The following KIF14 variants were observed in gnomAD, a reference collection of about 807,000 sequenced individuals.
KIF14 encodes kinesin family member 14.
Under a neutral mutation model 176.2 loss-of-function variants are expected in KIF14, and 98 were observed. That is an observed-to-expected ratio of 0.56 (90% CI 0.47 to 0.66). The LOEUF (loss-of-function observed/expected upper bound fraction) is 0.66, where lower values mean the gene tolerates loss of function less well. Ranked by LOEUF, KIF14 falls within the 30% of genes least tolerant of loss-of-function variation. The probability of loss-of-function intolerance (pLI) is 0.00; values close to 1 mark genes in which losing one functional copy is unlikely to be tolerated. For missense variants in KIF14, 1,751 were observed against 1,920.4 expected (o/e 0.91, Z 1.65); for synonymous variants, 566 against 632.2 (o/e 0.90, Z 1.57).
In KIF14 at chr1:200,553,747, G is replaced by A. The variant is rs1656684753; in HGVS notation, c.4588C>T (p.Leu1530Phe). The A allele has an allele frequency of 1.9e-6, 3 of 1,602,296 alleles. No homozygotes were observed. Among genetic ancestry groups the A allele is most frequent in the Admixed American group, 1.7e-5 (1 of 59,274 alleles). The change falls in exon 30 of 30, where the codon CTT (leucine) becomes TTT (phenylalanine). Residue 1530 changes from leucine (L) to phenylalanine (F), a missense_variant. Coordinates refer to ENST00000367350, the MANE Select transcript of KIF14 (RefSeq NM_014875.3). ...ALKGCHSDIN[L>F]LQTCVESIRN... The stretch of plus-strand genomic sequence containing the variant: ...ATACTTTCAACACAAGTCTGGAGAA[G>A]ATTTATATCACTATGGCATCCTATA...
intron 3 of KIF14, 72 bp from the exon 4 acceptor site, chr1:200,614,477 G>A: frequency 2.2e-6 from 2 of 911,768 alleles, no homozygotes; most frequent in Admixed American, 4.3e-5. Flanking sequence ...GGGGAAATAG[G>A]CTGGGAAGGG....
intron 14 of KIF14, among the ~76,000 whole-genome samples, chr1:200,596,097 TACA>T (rs1282438521): frequency 6.6e-6 from 1 of 151,704 alleles, no homozygotes; most frequent in African/African-American, 2.4e-5. Flanking sequence ...CTACTAAAAA[TACA>T]ACAATTAGCC....
intron 25 of KIF14, among the ~76,000 whole-genome samples, chr1:200,563,929 A>C (rs1657296910): frequency 6.6e-6 from 1 of 152,108 alleles, no homozygotes; most frequent in African/African-American, 2.4e-5. Context: ...ATATAAATAG[A>C]TGTGGCATAT....
chr1:200,595,867 G>A (rs146032507), intron 14 of KIF14, among the ~76,000 whole-genome samples: 5 of 150,420 alleles, frequency 3.3e-5, no homozygotes, highest in African/African-American at 1.2e-4. Flanking sequence ...AGAAGGTGGA[G>A]GTTACGGTGA....
chr1:200,566,600 A>G (rs1295557033), intron 23 of KIF14, among the ~76,000 whole-genome samples: 1 of 150,778 alleles, frequency 6.6e-6, no homozygotes, highest in African/African-American at 2.4e-5. Context: ...CTCAAAAAAA[A>G]AAAAGAGAGA....
In KIF14 at chr1:200,618,391, A is replaced by G; in HGVS notation, c.333T>C (p.Thr111=). The G allele has an allele frequency of 6.2e-7, 1 of 1,614,070 alleles. No homozygotes were observed. The highest frequency in any genetic ancestry group is 1.3e-5 in the African/African-American group (1 of 75,028). ...TAAGACGTGTTTCTGCTGTTTTTTC[A>G]GTTGTGTCTTCCAACTCACTAACAA... ...SLLVSELEDT[T]EKTAETRLTL... Residue 111 remains threonine, a synonymous_variant, in exon 2 of 30, where the codon ACT becomes ACC. Transcript: ENST00000367350.
In KIF14 at chr1:200,615,703, CA is replaced by C. The variant is rs1264544612; in HGVS notation, c.1113-95del. On this transcript the variant is annotated intron_variant, in intron 2 of 29. Coordinates refer to ENST00000367350, the MANE Select transcript of KIF14 (RefSeq NM_014875.3). ...AATAAATACCTCAAAACTATTTAAA[CA>C]ATCTTCCAAGGCAAGATAATTCTGT... 5 of 1,071,720 alleles carry C rather than the reference CA, an allele frequency of 4.7e-6. No individual in the cohort carries two copies. The East Asian group carries it at 1.2e-4, about 26-fold the overall frequency. The allele number at this position is 1,071,720 out of a possible 1,614,324, so 66.4% of individuals were successfully genotyped here.
chr1:200,618,552 C>T lies in KIF14; in HGVS notation c.172G>A (p.Gly58Ser). The T allele has an allele frequency of 6.2e-7, 1 of 1,614,134 alleles. No individual in the cohort carries two copies. The highest frequency in any genetic ancestry group is 8.5e-7 in the Non-Finnish European group (1 of 1,180,020). Residue 58 changes from glycine (G) to serine (S), a missense_variant, in exon 2 of 30, where the codon GGT (glycine) becomes AGT (serine). Coordinates refer to ENST00000367350, the MANE Select transcript of KIF14 (RefSeq NM_014875.3). ...ENDDPLLRSAGKVRDINRTYV... is the reference protein window; with the variant it reads ...ENDDPLLRSASKVRDINRTYV... ...GTTCTATTTATGTCTCTGACTTTAC[C>T]TGCAGATCTCAATAATGGATCATCA...
chr1:200,554,240 A>G (rs1656708625), intron 29 of KIF14, among the ~76,000 whole-genome samples: 2 of 152,018 alleles, frequency 1.3e-5, no homozygotes, highest in African/African-American at 4.8e-5. Flanking sequence ...AAAATACAAA[A>G]ATTATCCAGG....
In KIF14 at chr1:200,580,315, G is replaced by A. The variant is rs750171981; in HGVS notation, c.3404C>T (p.Ser1135Leu). 3 of 1,528,800 alleles carry A rather than the reference G, an allele frequency of 2.0e-6. No individual in the cohort carries two copies. The highest frequency in any genetic ancestry group is 2.7e-6 in the Non-Finnish European group (3 of 1,131,628). The allele number at this position is 1,528,800 out of a possible 1,614,324, so 94.7% of individuals were successfully genotyped here. The change falls in exon 21 of 30, where the codon TCA (serine) becomes TTA (leucine). Residue 1135 changes from serine (S) to leucine (L), a missense_variant. Coordinates refer to ENST00000367350, the MANE Select transcript of KIF14 (RefSeq NM_014875.3). ...AAACTTTTCCAGACTCCAGAATGTT[G>A]AGATTCCTAGTTTCAGGTTACGAAC... The part of the protein sequence containing the change: ...IRVRNLKLGI[S>L]TFWSLEKFES...
chr1:200,589,306 C>T lies in KIF14; in HGVS notation c.3025G>A (p.Glu1009Lys), dbSNP rs1242140526. 4 of 1,611,452 alleles carry T rather than the reference C, an allele frequency of 2.5e-6. No homozygotes were observed. The highest frequency in any genetic ancestry group is 3.4e-6 in the Non-Finnish European group (4 of 1,177,954). Residue 1009 changes from glutamate (E) to lysine (K), a missense_variant, in exon 18 of 30, where the codon GAG becomes AAG. Transcript: ENST00000367350. ...TGCTGCTTTGCCTTTTCTAATTCCT[C>T]AATTTTGTGATTAGCCTTCTGGTTA... ...INNQKANHKI[E>K]ELEKAKQHLE...
chr1:200,562,501 G>A (rs1230415356), intron 25 of KIF14, among the ~76,000 whole-genome samples: 2 of 152,312 alleles, frequency 1.3e-5, no homozygotes. Flanking sequence ...AATTTAGCAT[G>A]GGTTCAAACA....
intron 19 of KIF14, among the ~76,000 whole-genome samples, chr1:200,582,820 A>G (rs926830037): frequency 1.3e-5 from 2 of 151,970 alleles, no homozygotes; most frequent in African/African-American, 4.8e-5. Flanking sequence ...ACTGCACTCC[A>G]ATGCACTCCA....
chr1:200,563,184 T>A (rs1206752657), intron 25 of KIF14, among the ~76,000 whole-genome samples: 3 of 152,092 alleles, frequency 2.0e-5, no homozygotes, highest in Admixed American at 2.0e-4. Context: ...AATAGCCCAT[T>A]CAGGAAGTAT....
chr1:200,578,643 T>C (rs2102643843), intron 21 of KIF14, among the ~76,000 whole-genome samples: 1 of 151,958 alleles, frequency 6.6e-6, no homozygotes, highest in South Asian at 2.1e-4. Flanking sequence ...GAATAATAGA[T>C]GGATTCAAAT....
At chr1:200,597,324 A>G (rs558888931) in intron 14 of KIF14, among the ~76,000 whole-genome samples, 1 of 152,342 alleles carries the variant, frequency 6.6e-6, no homozygotes, top group East Asian at 1.9e-4. Flanking sequence ...AAAGATATTT[A>G]TACCAAAAAG....
rs1430399467 is a variant in KIF14, at chr1:200,552,347, T to C, written c.*1041A>G. The C allele has an allele frequency of 6.6e-6, 1 of 152,138 alleles. No individual in the cohort carries two copies. The highest frequency in any genetic ancestry group is 1.5e-5 in the Non-Finnish European group (1 of 68,020). The allele number at this position is 152,138 out of a possible 1,614,324, so 9.4% of individuals were successfully genotyped here. A position where few individuals can be genotyped will look rare whatever the true frequency, so the allele number is the denominator to read the frequency against. On this transcript the variant is annotated 3_prime_UTR_variant, in exon 30 of 30. Transcript: ENST00000367350. Reference sequence around the variant, plus strand: ...ACTTGATCATAAATAAAGGTTTTTTTTTAAAGCTGTGGAAAATAAGGGTCT... The same window carrying C: ...ACTTGATCATAAATAAAGGTTTTTTCTTAAAGCTGTGGAAAATAAGGGTCT...
intron 7 of KIF14, 120 bp from the exon 8 acceptor site, chr1:200,605,510 T>C (rs1571553716): frequency 5.0e-6 from 3 of 598,236 alleles, no homozygotes; most frequent in South Asian, 5.5e-5. Context: ...CTCAATGATA[T>C]AAAAATTAAG....
intron 21 of KIF14, among the ~76,000 whole-genome samples, chr1:200,577,318 T>C (rs34898810): frequency 0.29 from 43,950 of 150,552 alleles, 7,760 homozygotes; most frequent in Non-Finnish European, 0.41. Flanking sequence ...AGCAAGACTG[T>C]CTCAAAACAA....
Sources: gnomAD v4.1 joint callset for allele counts (sites outside exome capture counted in the v4.1 genomes callset) on GRCh38, gnomAD v4.1.1 for gene constraint, MANE v1.5 for transcripts, NCBI Gene and HGNC (gene_info 2026-07-23, HGNC 2026-07-21) for gene names.